The following SLC24A2 variants were observed in gnomAD, a reference collection of about 807,000 sequenced individuals.
The protein encoded by SLC24A2 is sodium/potassium/calcium exchanger 2.
In SLC24A2, 36 loss-of-function variants were observed where a neutral mutation model predicts 62.0. The ratio of observed to expected loss-of-function variants is 0.58; its 90% confidence interval spans 0.44 to 0.77. The LOEUF is 0.77. SLC24A2 is among the 30% of genes least tolerant of loss of function. The pLI is 0.00. For missense variants in SLC24A2, 846 were observed against 817.9 expected (o/e 1.03, Z -0.42); for synonymous variants, 358 against 294.0 (o/e 1.22, Z -2.23).
chr9:19,558,494 T>G (rs1036976353), intron 7 of SLC24A2, among the ~76,000 whole-genome samples: 1 of 152,218 alleles, frequency 6.6e-6, no homozygotes, highest in African/African-American at 2.4e-5. Context: ...TTATGTGCAC[T>G]TCATTGCTGA....
chr9:20,053,511 T>C, the SLC24A2 span, among the ~76,000 whole-genome samples: 5 of 152,176 alleles, frequency 3.3e-5, no homozygotes, highest in African/African-American at 4.8e-5. Flanking sequence ...CTACCATGAA[T>C]GTTTGTGTCC....
the SLC24A2 span, among the ~76,000 whole-genome samples, chr9:20,269,850 C>G: frequency 7.2e-5 from 11 of 152,152 alleles, no homozygotes; most frequent in African/African-American, 2.7e-4. Context: ...CTTGTTGATA[C>G]CTGGTCTTAG....
At chr9:19,678,055 A>G (rs961579782) in intron 2 of SLC24A2, among the ~76,000 whole-genome samples, 2 of 152,140 alleles carry the variant, frequency 1.3e-5, no homozygotes, top group African/African-American at 4.8e-5. Context: ...TCGCAGATCT[A>G]GCTTAAGCAG....
At chr9:19,757,069 C>T (rs1822165533) in intron 2 of SLC24A2, among the ~76,000 whole-genome samples, 1 of 151,710 alleles carries the variant, frequency 6.6e-6, no homozygotes, top group Admixed American at 6.6e-5. Flanking sequence ...GGCATTGTGC[C>T]CAGCCTGAAA....
intron 7 of SLC24A2, among the ~76,000 whole-genome samples, chr9:19,565,992 G>C (rs1305005681): frequency 6.6e-6 from 1 of 151,860 alleles, no homozygotes; most frequent in Non-Finnish European, 1.5e-5. Context: ...TTAAATGTTA[G>C]ACCTAAAACC....
chr9:20,180,930 G>T, the SLC24A2 span, among the ~76,000 whole-genome samples: 1 of 152,132 alleles, frequency 6.6e-6, no homozygotes, highest in Non-Finnish European at 1.5e-5. Context: ...CTTACAGTGG[G>T]CTCTGTCCTT....
chr9:20,051,651 C>CTCTTTT, the SLC24A2 span, among the ~76,000 whole-genome samples: 57 of 63,624 alleles, frequency 9.0e-4, 1 homozygote, highest in African/African-American at 3.0e-3. Flanking sequence ...GAGGTTTTTT[C>CTCTTTT]TTTCTCTTTT....
At chr9:19,895,546 C>CTTTCTTTCT in the SLC24A2 span, among the ~76,000 whole-genome samples, 17 of 135,334 alleles carry the variant, frequency 1.3e-4, no homozygotes, top group African/African-American at 4.3e-4. Flanking sequence ...TTCTTTCTTT[C>CTTTCTTTCT]TTTTTTTTTT....
At chr9:19,717,852 G>C (rs1395416660) in intron 2 of SLC24A2, among the ~76,000 whole-genome samples, 1 of 151,890 alleles carries the variant, frequency 6.6e-6, no homozygotes, top group Non-Finnish European at 1.5e-5. Flanking sequence ...TAGTTCTTCA[G>C]TGACCCCACT....
rs1482187298 is a variant in SLC24A2 at position 19,786,053 on chromosome 9, C to G, written c.814G>C (p.Ala272Pro). The G allele has an allele frequency of 6.2e-7, 1 of 1,614,060 alleles. No homozygotes were observed. The highest frequency in any genetic ancestry group is 8.5e-7 in the Non-Finnish European group (1 of 1,180,036). Residue 272 changes from alanine to proline, a missense_variant, in exon 2 of 11, where the codon GCT becomes CCT. Ala to Pro is a conservative substitution (Grantham distance 27). Transcript: ENST00000341998. The surrounding 1 kb of genome is among the most constrained non-coding windows in gnomAD (Gnocchi z 5.0). The stretch of plus-strand genomic sequence containing the variant: ...ATGAAAACCACATAGCAAAAATAAG[C>G]TGTTAAGAGAAGCAAGCTTTCCCAC... ...MWWESLLLLT[A>P]YFCYVVFMKF...
chr9:19,519,280 G>A (rs1024720390), intron 10 of SLC24A2, among the ~76,000 whole-genome samples: 72 of 152,138 alleles, frequency 4.7e-4, no homozygotes, highest in African/African-American at 1.7e-3. Flanking sequence ...ATATGGAAGA[G>A]AACATACAAC....
the SLC24A2 span, among the ~76,000 whole-genome samples, chr9:20,270,782 C>T: frequency 4.6e-5 from 7 of 152,110 alleles, no homozygotes; most frequent in Admixed American, 3.9e-4. Context: ...TGGAACTTTG[C>T]ATAAATTTAT....
the SLC24A2 span, among the ~76,000 whole-genome samples, chr9:20,182,571 T>C: frequency 6.6e-6 from 1 of 151,900 alleles, no homozygotes; most frequent in South Asian, 2.1e-4. Context: ...CACCCATAAG[T>C]GGGAGTTGAA....
At chr9:19,580,907 G>T (rs1836186122) in intron 5 of SLC24A2, among the ~76,000 whole-genome samples, 1 of 152,186 alleles carries the variant, frequency 6.6e-6, no homozygotes, top group East Asian at 1.9e-4. Flanking sequence ...ACTCACTTGG[G>T]GAAGAGGGGC....
chr9:19,861,351 T>C, the SLC24A2 span, among the ~76,000 whole-genome samples: 1 of 152,336 alleles, frequency 6.6e-6, no homozygotes, highest in East Asian at 1.9e-4. Context: ...GCAGTACCTC[T>C]ACAAGTCTGC....
chr9:19,605,141 T>G (rs1836948406), intron 4 of SLC24A2, among the ~76,000 whole-genome samples: 1 of 152,210 alleles, frequency 6.6e-6, no homozygotes, highest in African/African-American at 2.4e-5. Flanking sequence ...ACCAGAGATC[T>G]GGTTACGCAG....
the SLC24A2 span, among the ~76,000 whole-genome samples, chr9:19,888,265 GTCCA>G: frequency 1.3e-5 from 2 of 152,158 alleles, no homozygotes; most frequent in South Asian, 4.1e-4. Context: ...TTTCTTTTAA[GTCCA>G]TTCCTAAGTA....
chr9:19,924,377 G>A, the SLC24A2 span, among the ~76,000 whole-genome samples: 2 of 152,156 alleles, frequency 1.3e-5, no homozygotes. Context: ...TTTTGGGGGA[G>A]TCCACCACCC....
At chr9:20,274,631 C>G in the SLC24A2 span, among the ~76,000 whole-genome samples, 1 of 152,138 alleles carries the variant, frequency 6.6e-6, no homozygotes. Flanking sequence ...TGAAGAAACT[C>G]AGAGATGTGA....
Sources: allele counts gnomAD v4.1 joint callset (sites outside exome capture counted in the v4.1 genomes callset), GRCh38; gene constraint gnomAD v4.1.1; non-coding constraint Gnocchi (gnomAD v3.1); transcripts MANE v1.5; gene names NCBI Gene and HGNC (gene_info 2026-07-23, HGNC 2026-07-21).